RASGEF1C: variants seen among roughly 807,000 people sequenced by gnomAD.
RASGEF1C encodes the protein RasGEF domain family member 1C.
Under a neutral mutation model 58.1 loss-of-function variants are expected in RASGEF1C, and 27 were observed. The ratio of observed to expected loss-of-function variants is 0.46; its 90% CI spans 0.34 to 0.64. The LOEUF (loss-of-function observed/expected upper bound fraction) is 0.64. Ranked by LOEUF, RASGEF1C falls within the 30% of genes least tolerant of loss-of-function variation. The probability of loss-of-function intolerance (pLI) is 0.01; values close to 1 mark genes in which losing one functional copy is unlikely to be tolerated. For synonymous variants in RASGEF1C, 243 were observed against 246.3 expected, an observed-to-expected ratio of 0.99 and a Z score of 0.13; for missense variants, 502 against 605.1, an observed-to-expected ratio of 0.83 and a Z score of 1.79.
intron 1 of RASGEF1C, among the ~76,000 whole-genome samples, chr5:180,147,782 G>C (rs1766680878): frequency 6.6e-6 from 1 of 152,168 alleles, no homozygotes; most frequent in African/African-American, 2.4e-5. Context: ...TTGTTGAGTA[G>C]AGTTCTGTAT....
At chr5:180,119,478 T>C (rs1297818632) in intron 7 of RASGEF1C, 30 bp from the exon 8 acceptor site, 4 of 1,558,222 alleles carry the variant, frequency 2.6e-6, no homozygotes, top group Middle Eastern at 1.7e-4. Context: ...GCCTCAGTGG[T>C]GACACGCCTC....
At chr5:180,106,763 T>G (rs983114705) in intron 12 of RASGEF1C, among the ~76,000 whole-genome samples, 2 of 152,266 alleles carry the variant, frequency 1.3e-5, no homozygotes, top group African/African-American at 2.4e-5. Flanking sequence ...TGGAGTGTTC[T>G]GTAAATGTTG....
intron 1 of RASGEF1C, among the ~76,000 whole-genome samples, chr5:180,185,096 T>G (rs1205546533): frequency 1.3e-5 from 2 of 151,496 alleles, no homozygotes; most frequent in Non-Finnish European, 2.9e-5. Context: ...ATTGAGACCA[T>G]CCTGGCTAAC....
rs556815928 is a variant in RASGEF1C, at chr5:180,137,245, C to T, written c.300+345G>A. 2.6e-5 allele frequency among the ~76,000 whole-genome samples: 4 copies of T among 152,158 alleles called. No individual in the cohort carries two copies. The highest frequency in any genetic ancestry group is 5.9e-5 in the Non-Finnish European group (4 of 68,018). On this transcript the variant is annotated intron_variant, in intron 3 of 13. Coordinates refer to ENST00000361132, the MANE Select transcript of RASGEF1C (RefSeq NM_175062.4). The surrounding 1 kb of genome is among the most constrained non-coding windows in gnomAD (Gnocchi z 4.1). ...TGCAATAGAGGCAGCCCGCAGGACC[C>T]GGCCAGGACTGGGAAGGTGGAGCGG... is the stretch of plus-strand genomic sequence containing the variant.
chr5:180,134,534 G>A (rs1766432502), intron 4 of RASGEF1C, among the ~76,000 whole-genome samples: 1 of 150,548 alleles, frequency 6.6e-6, no homozygotes, highest in Non-Finnish European at 1.5e-5. Context: ...CATCCACCCA[G>A]CACCCACCAT....
At chr5:180,201,037 G>T (rs984719909) in intron 1 of RASGEF1C, among the ~76,000 whole-genome samples, 1 of 152,204 alleles carries the variant, frequency 6.6e-6, no homozygotes, top group Admixed American at 6.5e-5. Context: ...GTTGGAGGCT[G>T]CAGTGAGCTG....
At chr5:180,118,926 C>A (rs1766120079) in intron 8 of RASGEF1C, 60 bp from the exon 9 acceptor site, 4 of 1,490,526 alleles carry the variant, frequency 2.7e-6, no homozygotes, top group Non-Finnish European at 3.7e-6. Context: ...CTCTGCGTAG[C>A]TGCACCCCCT....
intron 1 of RASGEF1C, among the ~76,000 whole-genome samples, chr5:180,169,463 C>T (rs1004141921): frequency 1.3e-5 from 2 of 151,902 alleles, no homozygotes; most frequent in Admixed American, 1.3e-4. Flanking sequence ...GGGCAGGGGC[C>T]CATGGGTTTT....
At chr5:180,109,200 T>C (rs1765915299) in intron 12 of RASGEF1C, among the ~76,000 whole-genome samples, 1 of 152,180 alleles carries the variant, frequency 6.6e-6, no homozygotes, top group Non-Finnish European at 1.5e-5. Context: ...CTCACGCCTG[T>C]AATCCCAGCA....
Position 180,119,407 on chromosome 5 carries a change from G to C in RASGEF1C, c.846C>G (p.Phe282Leu). The change falls in exon 8 of 14, where the codon TTC becomes TTG. Residue 282 changes from phenylalanine to leucine, a missense_variant. By Grantham distance (22) the Phe-to-Leu change is conservative. Transcript: ENST00000361132. ...KKQRAQVIEFFIDVARECFNI... is the reference protein window; with the variant it reads ...KKQRAQVIEFLIDVARECFNI... ...TGAAGCACTCGCGGGCCACGTCGAT[G>C]AAGAACTCAATCACCTGGGCCCTCT... 6.2e-7 allele frequency: 1 copy of C among 1,614,186 alleles called. No individual in the cohort carries two copies. Among genetic ancestry groups the C allele is most frequent in the Non-Finnish European group, 8.5e-7 (1 of 1,180,006 alleles).
chr5:180,203,558 C>T (rs1286172031), intron 1 of RASGEF1C, among the ~76,000 whole-genome samples: 1 of 152,242 alleles, frequency 6.6e-6, no homozygotes, highest in Non-Finnish European at 1.5e-5. Flanking sequence ...GAACCTAGTG[C>T]TGGCCACCAG....
intron 12 of RASGEF1C, among the ~76,000 whole-genome samples, chr5:180,106,848 T>C (rs1043020092): frequency 1.4e-4 from 21 of 152,218 alleles, no homozygotes; most frequent in African/African-American, 5.1e-4. Context: ...GTTCTATCAA[T>C]TGTTCAGAGA....
rs542935750 is a variant in RASGEF1C at position 180,157,575 on chromosome 5, C to T, written c.-6-19517G>A. 1.6e-4 allele frequency among the ~76,000 whole-genome samples: 24 copies of T among 149,366 alleles called. No individual in the cohort carries two copies. The South Asian group carries it at 3.1e-3, about 20-fold the overall frequency. On this transcript the variant is annotated intron_variant, in intron 1 of 13. Coordinates refer to ENST00000361132, the MANE Select transcript of RASGEF1C (RefSeq NM_175062.4). ...CCAGGAGGCGGAGGTTGCAGTGAGC[C>T]GAAATTGCGCCATTGCACTCCAGTC...
In RASGEF1C at chr5:180,137,789, C is replaced by G. The variant is rs1198053236; in HGVS notation, c.178-77G>C. On this transcript the variant is annotated intron_variant, in intron 2 of 13. Transcript: ENST00000361132. The surrounding 1 kb of genome is among the most constrained non-coding windows in gnomAD (Gnocchi z 4.1). ...GCATGCTTCCCAGCTGGCCCTGTAC[C>G]CTGGCCCAAGGTCACGCCCAACCCT... 1.2e-6 allele frequency: 2 copies of G among 1,604,616 alleles called. No individual in the cohort carries two copies. Among genetic ancestry groups the G allele is most frequent in the Non-Finnish European group, 1.7e-6 (2 of 1,175,652 alleles).
intron 6 of RASGEF1C, among the ~76,000 whole-genome samples, chr5:180,123,503 C>A (rs1048942098): frequency 2.6e-5 from 4 of 151,954 alleles, no homozygotes; most frequent in African/African-American, 9.7e-5. Context: ...AAGATGAAAT[C>A]ATAATGGAAT....
At chr5:180,109,617 G>T (rs1011814971) in intron 12 of RASGEF1C, among the ~76,000 whole-genome samples, 2 of 152,210 alleles carry the variant, frequency 1.3e-5, no homozygotes, top group Non-Finnish European at 2.9e-5. Context: ...TGGATTATAT[G>T]TGGGGGCCCT....
intron 1 of RASGEF1C, among the ~76,000 whole-genome samples, chr5:180,152,618 A>G (rs531612602): frequency 2.7e-5 from 4 of 150,610 alleles, no homozygotes; most frequent in African/African-American, 9.8e-5. Flanking sequence ...ACGTTAAATG[A>G]CGAGTTAATG....
At chr5:180,102,958 A>C (rs1375273747) in intron 12 of RASGEF1C, among the ~76,000 whole-genome samples, 1 of 152,218 alleles carries the variant, frequency 6.6e-6, no homozygotes, top group Non-Finnish European at 1.5e-5. Context: ...TTTGGGTAGG[A>C]ATTGCATTAA....
At chr5:180,172,911 T>C (rs1651442714) in intron 1 of RASGEF1C, among the ~76,000 whole-genome samples, 1 of 152,184 alleles carries the variant, frequency 6.6e-6, no homozygotes, top group Non-Finnish European at 1.5e-5. Context: ...TCTATCCTCT[T>C]CTGGGTTGCC....
Sources: allele counts gnomAD v4.1 joint callset (sites outside exome capture counted in the v4.1 genomes callset), GRCh38; gene constraint gnomAD v4.1.1; non-coding constraint Gnocchi (gnomAD v3.1); transcripts MANE v1.5; gene names NCBI Gene and HGNC (gene_info 2026-07-23, HGNC 2026-07-21).